Variants in SORCS3 observed in about 807,000 individuals in gnomAD.
SORCS3 encodes sortilin related VPS10 domain containing receptor 3, also known as VPS10 domain-containing receptor SorCS3.
In SORCS3, 57 loss-of-function variants were observed where a neutral mutation model predicts 146.3. The ratio of observed to expected loss-of-function variants is 0.39; its 90% CI spans 0.31 to 0.49. The LOEUF is 0.49. Among genes scored for constraint, SORCS3 ranks in the 20% least tolerant of loss-of-function variants. The pLI, the probability that SORCS3 is intolerant of heterozygous loss-of-function variation, is 0.92. For missense variants in SORCS3, 1,341 were observed against 1,575.5 expected (o/e 0.85, Z 2.52); for synonymous variants, 653 against 618.5 (o/e 1.06, Z -0.83).
chr10:104,889,961 T>A (rs1021960966), intron 2 of SORCS3, among the ~76,000 whole-genome samples: 1 of 152,224 alleles, frequency 6.6e-6, no homozygotes, highest in Non-Finnish European at 1.5e-5. Context: ...AGAAATGTAA[T>A]TTAATTGGCT....
chr10:104,918,692 A>G (rs1275203065), intron 3 of SORCS3, among the ~76,000 whole-genome samples: 8 of 152,088 alleles, frequency 5.3e-5, no homozygotes, highest in Admixed American at 5.2e-4. Flanking sequence ...CCCATCCCAC[A>G]CAAGTGCCTT....
chr10:104,902,398 T>C (rs2018860776), intron 2 of SORCS3, among the ~76,000 whole-genome samples: 1 of 152,138 alleles, frequency 6.6e-6, no homozygotes, highest in African/African-American at 2.4e-5. Flanking sequence ...TTGAGGAATG[T>C]TTGTGTATGT....
chr10:104,734,987 A>C (rs564062720), intron 1 of SORCS3, among the ~76,000 whole-genome samples: 2 of 152,148 alleles, frequency 1.3e-5, no homozygotes, highest in South Asian at 4.1e-4. Flanking sequence ...TTTTTAAAAA[A>C]CCATTTTTTA....
chr10:104,743,655 G>A (rs1240408729), intron 1 of SORCS3, among the ~76,000 whole-genome samples: 3 of 152,110 alleles, frequency 2.0e-5, no homozygotes, highest in Non-Finnish European at 4.4e-5. Flanking sequence ...CCTTCTATTA[G>A]TGGGTGTTAC....
intron 19 of SORCS3, among the ~76,000 whole-genome samples, chr10:105,220,596 G>A (rs1229125186): frequency 6.6e-6 from 1 of 152,152 alleles, no homozygotes; most frequent in African/African-American, 2.4e-5. Context: ...GAGAAGCAGT[G>A]ACTTTGAAGG....
intron 2 of SORCS3, among the ~76,000 whole-genome samples, chr10:104,913,317 G>A (rs1472759739): frequency 6.6e-6 from 1 of 152,182 alleles, no homozygotes; most frequent in East Asian, 1.9e-4. Context: ...TTGGTGTGAT[G>A]ATGGAAAGGA....
At chr10:105,233,169 A>G (rs576799021) in intron 20 of SORCS3, among the ~76,000 whole-genome samples, 2 of 152,216 alleles carry the variant, frequency 1.3e-5, no homozygotes, top group East Asian at 1.9e-4. Context: ...TACACTTACA[A>G]TGAATCCAAG....
intron 6 of SORCS3, among the ~76,000 whole-genome samples, chr10:105,090,057 G>A (rs1456722010): frequency 6.6e-6 from 1 of 152,186 alleles, no homozygotes; most frequent in East Asian, 1.9e-4. Context: ...GGGGATATGA[G>A]TTAATGCAAT....
Position 104,860,259 on chromosome 10 carries a change from G to A in SORCS3, c.695+17400G>A, listed in dbSNP as rs1273860567. Among the ~76,000 whole-genome samples, 4 of 113,214 alleles carry A rather than the reference G, an allele frequency of 3.5e-5. 1 individual carries two copies. The highest frequency in any genetic ancestry group is 7.8e-5 in the Non-Finnish European group (4 of 51,604). The allele number at this position is 113,214 out of a possible 152,430, so 74.3% of individuals were successfully genotyped here. The stretch of plus-strand genomic sequence containing the variant: ...CAGCCATAAAAAATGATGAGTTCAT[G>A]TCCTTTGTAGGGACATGGATGAAAT... On this transcript the variant is annotated intron_variant, in intron 2 of 26. Coordinates refer to ENST00000369701, the MANE Select transcript of SORCS3 (RefSeq NM_014978.3).
chr10:105,084,681 G>A (rs980953583), intron 5 of SORCS3, among the ~76,000 whole-genome samples: 3 of 151,818 alleles, frequency 2.0e-5, no homozygotes, highest in East Asian at 3.9e-4. Flanking sequence ...TAGGGGAGGC[G>A]CAGAGTGCAA....
intron 19 of SORCS3, among the ~76,000 whole-genome samples, chr10:105,221,331 G>C (rs1337996184): frequency 6.6e-6 from 1 of 152,136 alleles, no homozygotes; most frequent in Non-Finnish European, 1.5e-5. Flanking sequence ...AGACTCAGGA[G>C]AATGCTCACT....
At chr10:104,642,191 G>C (rs2015429834) in intron 1 of SORCS3, among the ~76,000 whole-genome samples, 1 of 152,216 alleles carries the variant, frequency 6.6e-6, no homozygotes, top group Non-Finnish European at 1.5e-5. Flanking sequence ...GCCGGGAGGG[G>C]AGTGGAGGAA....
At chr10:104,980,438 A>T (rs903152710) in intron 4 of SORCS3, among the ~76,000 whole-genome samples, 1 of 152,228 alleles carries the variant, frequency 6.6e-6, no homozygotes, top group Non-Finnish European at 1.5e-5. Context: ...GTAATTTAGT[A>T]GTTTAGAGTC....
At chr10:104,710,153 G>C (rs2037386065) in intron 1 of SORCS3, among the ~76,000 whole-genome samples, 1 of 152,140 alleles carries the variant, frequency 6.6e-6, no homozygotes, top group African/African-American at 2.4e-5. Context: ...GTATTTTACA[G>C]ATCAAAGACA....
intron 1 of SORCS3, among the ~76,000 whole-genome samples, chr10:104,787,590 T>G (rs2017453154): frequency 6.6e-6 from 1 of 152,178 alleles, no homozygotes; most frequent in African/African-American, 2.4e-5. Context: ...TCTGATGCTC[T>G]TGGTGGAGCA....
At chr10:104,897,062 A>G (rs932143881) in intron 2 of SORCS3, among the ~76,000 whole-genome samples, 1 of 152,150 alleles carries the variant, frequency 6.6e-6, no homozygotes, top group African/African-American at 2.4e-5. Context: ...CATACAGTGA[A>G]ACTCATTAGG....
chr10:105,237,324 C>T (rs2056798362), intron 20 of SORCS3, among the ~76,000 whole-genome samples: 1 of 152,048 alleles, frequency 6.6e-6, no homozygotes, highest in Non-Finnish European at 1.5e-5. Context: ...TGAGTAATAA[C>T]AGTAGTATCT....
intron 1 of SORCS3, among the ~76,000 whole-genome samples, chr10:104,737,555 CT>C (rs1317972640): frequency 3.3e-5 from 5 of 151,792 alleles, no homozygotes; most frequent in Admixed American, 3.3e-4. Flanking sequence ...TTTCATGTGT[CT>C]TTTGGCTGCA....
At chr10:104,987,435 T>C (rs2054968802) in intron 4 of SORCS3, among the ~76,000 whole-genome samples, 1 of 152,216 alleles carries the variant, frequency 6.6e-6, no homozygotes, top group Non-Finnish European at 1.5e-5. Flanking sequence ...ATCCTAGTTA[T>C]AAGGCAGTGC....
Sources: allele counts gnomAD v4.1 joint callset (sites outside exome capture counted in the v4.1 genomes callset), GRCh38; gene constraint gnomAD v4.1.1; transcripts MANE v1.5; gene names NCBI Gene and HGNC (gene_info 2026-07-23, HGNC 2026-07-21).